Variants in TSPEAR observed in about 807,000 individuals in gnomAD.
The protein encoded by TSPEAR is thrombospondin type laminin G domain and EAR repeats, also known as thrombospondin-type laminin G domain and EAR repeat-containing protein.
Under a neutral mutation model 71.6 loss-of-function variants are expected in TSPEAR, and 69 were observed. The ratio of observed to expected loss-of-function variants is 0.96; its 90% CI spans 0.79 to 1.18. The LOEUF (loss-of-function observed/expected upper bound fraction) is 1.18, where lower values mean the gene tolerates loss of function less well. Ranked by LOEUF, TSPEAR falls within the 50% of genes most tolerant of loss-of-function variation. The probability of loss-of-function intolerance (pLI) is 0.00; values close to 1 mark genes in which losing one functional copy is unlikely to be tolerated. For missense variants in TSPEAR, 971 were observed against 894.9 expected, an observed-to-expected ratio of 1.09 and a Z score of -1.09; for synonymous variants, 402 against 387.2, an observed-to-expected ratio of 1.04 and a Z score of -0.45.
At chr21:44,596,857 G>A (rs1024964673) in intron 1 of TSPEAR, among the ~76,000 whole-genome samples, 1 of 152,128 alleles carries the variant, frequency 6.6e-6, no homozygotes, top group Non-Finnish European at 1.5e-5. Flanking sequence ...TTAATAACTC[G>A]TGGGAGCTCT....
At chr21:44,577,178 A>G (rs1978513757) in intron 1 of TSPEAR, among the ~76,000 whole-genome samples, 2 of 152,248 alleles carry the variant, frequency 1.3e-5, no homozygotes, top group African/African-American at 2.4e-5. Context: ...GTTTTATTAG[A>G]GAAGAAGGCC....
At chr21:44,664,142 T>G (rs782339547) in intron 1 of TSPEAR, among the ~76,000 whole-genome samples, 3 of 152,010 alleles carry the variant, frequency 2.0e-5, no homozygotes, top group Non-Finnish European at 4.4e-5. Context: ...AAGAAAGAAA[T>G]AACACAGTCT....
At chr21:44,708,072 TGAGA>T (rs529011769) in intron 1 of TSPEAR, among the ~76,000 whole-genome samples, 8 of 138,516 alleles carry the variant, frequency 5.8e-5, no homozygotes, top group South Asian at 2.3e-4. Flanking sequence ...GACAGAGATA[TGAGA>T]GAGAGCGAGC....
intron 2 of TSPEAR, chr21:44,558,746 G>T (rs905169377): frequency 3.2e-6 from 5 of 1,573,774 alleles, no homozygotes; most frequent in Non-Finnish European, 4.3e-6. Flanking sequence ...AGCTGGGGGA[G>T]ACGTGAGTGA....
At chr21:44,599,963 C>A (rs1020283412) in intron 1 of TSPEAR, among the ~76,000 whole-genome samples, 1 of 152,156 alleles carries the variant, frequency 6.6e-6, no homozygotes, top group African/African-American at 2.4e-5. Flanking sequence ...GGATCTGGGG[C>A]CTCCCTAAGT....
In TSPEAR at chr21:44,612,337, G is replaced by A. The variant is rs587651810; in HGVS notation, c.83-44332C>T. 73 of 1,613,754 alleles carry A rather than the reference G, an allele frequency of 4.5e-5. 1 individual carries two copies. In the South Asian group the frequency reaches 7.5e-4, roughly 17 times the overall value. ...GCCTGGCCCTGGTCTGTGCCCCAGTGAGCTGTGAGCCCAGCCCCTGCCAAT... is the reference window on the plus strand; with the variant it reads ...GCCTGGCCCTGGTCTGTGCCCCAGTAAGCTGTGAGCCCAGCCCCTGCCAAT... On this transcript the variant is annotated intron_variant, in intron 1 of 11. Coordinates refer to ENST00000323084, the MANE Select transcript of TSPEAR (RefSeq NM_144991.3). The surrounding 1 kb of genome is among the most constrained non-coding windows in gnomAD (Gnocchi z 4.1).
chr21:44,540,273 C>A, intron 2 of TSPEAR: 3 of 1,474,522 alleles, frequency 2.0e-6, no homozygotes, highest in African/African-American at 1.4e-5. Flanking sequence ...GCTTTTATAC[C>A]CCTTCTGGCC....
intron 1 of TSPEAR, among the ~76,000 whole-genome samples, chr21:44,597,477 G>C (rs1271722959): frequency 1.4e-5 from 2 of 147,682 alleles, no homozygotes; most frequent in African/African-American, 5.1e-5. Context: ...TTGTCGCCCA[G>C]GCTGGAGGGC....
At chr21:44,633,232 T>G (rs1281474790) in intron 1 of TSPEAR, among the ~76,000 whole-genome samples, 6 of 152,218 alleles carry the variant, frequency 3.9e-5, no homozygotes, top group African/African-American at 1.4e-4. Context: ...GCTCCCTGTA[T>G]TCTACATATA....
At chr21:44,558,805 T>C in intron 2 of TSPEAR, 1 of 1,498,320 alleles carries the variant, frequency 6.7e-7, no homozygotes, top group Non-Finnish European at 9.0e-7. Flanking sequence ...GTGCCAGGCC[T>C]CTGAGTGGTC....
intron 2 of TSPEAR, chr21:44,550,698 C>T (rs782733313): frequency 6.2e-7 from 1 of 1,613,756 alleles, no homozygotes; most frequent in Non-Finnish European, 8.5e-7. Context: ...CCATCAGCAG[C>T]TAGACTTTTG....
intron 2 of TSPEAR, among the ~76,000 whole-genome samples, chr21:44,555,177 C>T: frequency 6.6e-6 from 1 of 152,066 alleles, no homozygotes; most frequent in East Asian, 1.9e-4. Flanking sequence ...TGAGGAGGAG[C>T]AAAACAGCCA....
chr21:44,590,566 G>T (rs1979720339), intron 1 of TSPEAR, among the ~76,000 whole-genome samples: 3 of 152,194 alleles, frequency 2.0e-5, no homozygotes, highest in African/African-American at 7.2e-5. Context: ...GGGCTGCTGG[G>T]CTCGAGTCCT....
intron 1 of TSPEAR, among the ~76,000 whole-genome samples, chr21:44,575,993 G>A (rs1555923939): frequency 6.6e-6 from 1 of 152,218 alleles, no homozygotes; most frequent in African/African-American, 2.4e-5. Context: ...GGACTGCCCA[G>A]AGCAGGATGG....
chr21:44,677,216 CT>C, intron 1 of TSPEAR: 1 of 713,892 alleles, frequency 1.4e-6, no homozygotes, highest in South Asian at 1.5e-5. Context: ...TTTTCATCTT[CT>C]CTACCTCTTC....
intron 1 of TSPEAR, among the ~76,000 whole-genome samples, chr21:44,619,148 C>T (rs751933023): frequency 8.6e-4 from 131 of 151,964 alleles, no homozygotes; most frequent in Non-Finnish European, 1.5e-3. Context: ...ACTCCCCAGC[C>T]GAGTGCTGAA....
intron 2 of TSPEAR, among the ~76,000 whole-genome samples, chr21:44,542,596 A>G (rs1555917317): frequency 6.6e-6 from 1 of 152,046 alleles, no homozygotes; most frequent in Non-Finnish European, 1.5e-5. Context: ...AAAAATATGA[A>G]AAGTTGGCCC....
At chr21:44,604,529 C>A (rs1981188806) in intron 1 of TSPEAR, among the ~76,000 whole-genome samples, 1 of 152,146 alleles carries the variant, frequency 6.6e-6, no homozygotes, top group Non-Finnish European at 1.5e-5. Context: ...AAGATCACAT[C>A]ATCAGCAGAG....
At chr21:44,558,479 G>A (rs1293262904) in intron 2 of TSPEAR, 15 of 1,614,088 alleles carry the variant, frequency 9.3e-6, no homozygotes, top group Middle Eastern at 1.7e-4. Flanking sequence ...ACTGCTGGCA[G>A]CACGAGGGCG....
Sources: allele counts gnomAD v4.1 joint callset (sites outside exome capture counted in the v4.1 genomes callset), GRCh38; gene constraint gnomAD v4.1.1; non-coding constraint Gnocchi (gnomAD v3.1); transcripts MANE v1.5; gene names NCBI Gene and HGNC (gene_info 2026-07-23, HGNC 2026-07-21).